A2M: variants seen among roughly 807,000 people sequenced by gnomAD.
The protein encoded by A2M is C3 and PZP-like alpha-2-macroglobulin domain-containing protein 5.
Under a neutral mutation model 183.9 loss-of-function variants are expected in A2M, and 128 were observed. That is an observed-to-expected ratio of 0.70 (90% confidence interval 0.60 to 0.81). The LOEUF (loss-of-function observed/expected upper bound fraction) is 0.81. Among genes scored for constraint, A2M ranks in the 30% least tolerant of loss-of-function variants. The pLI, the probability that A2M is intolerant of heterozygous loss-of-function variation, is 0.00. For synonymous variants in A2M, 592 were observed against 670.8 expected (o/e 0.88, Z 1.81); for missense variants, 1,495 against 1,787.6 (o/e 0.84, Z 2.95).
At chr12:9,096,678 C>A (rs894983418) in intron 15 of A2M, among the ~76,000 whole-genome samples, 3 of 152,180 alleles carry the variant, frequency 2.0e-5, no homozygotes, top group Non-Finnish European at 4.4e-5. Flanking sequence ...GAGTTTAAAA[C>A]TGATTGACAA....
intron 7 of A2M, 40 bp downstream of exon 7, chr12:9,109,281 A>T: frequency 6.6e-7 from 1 of 1,512,844 alleles, no homozygotes; most frequent in Non-Finnish European, 9.1e-7. Context: ...AGTCTCTTTT[A>T]AATAATCCCC....
At chr12:9,074,899 C>A (rs904506996) in intron 28 of A2M, 116 bp from the exon 29 acceptor site, 22 of 1,091,020 alleles carry the variant, frequency 2.0e-5, no homozygotes, top group Non-Finnish European at 2.7e-5. Flanking sequence ...ATCCCCTGTA[C>A]TGTATGTAGA....
rs373637929 is a variant in A2M at position 9,098,617 on chromosome 12, G to A, written c.1841C>T (p.Ser614Leu). The A allele has an allele frequency of 1.8e-5, 29 of 1,602,860 alleles. No homozygotes were observed. The highest frequency in any genetic ancestry group is 1.7e-4 in the Middle Eastern group (1 of 5,792). Residue 614 changes from serine to leucine, a missense_variant, in exon 15 of 36, where the codon TCG (serine) becomes TTG (leucine). Ser to Leu is a moderately radical substitution (Grantham distance 145, BLOSUM62 -2). Coordinates refer to ENST00000318602, the MANE Select transcript of A2M (RefSeq NM_000014.6). Reference protein sequence around the residue: ...VLLMKPDAELSASSVYNLLPE... With the variant: ...VLLMKPDAELLASSVYNLLPE... ...CTGCCAGGAACTCACCGAGGACGCC[G>A]AGAGCTCAGCATCAGGCTTCATGAG...
intron 33 of A2M, 85 bp downstream of exon 33, chr12:9,069,660 T>G: frequency 1.0e-6 from 1 of 987,720 alleles, no homozygotes; most frequent in South Asian, 1.8e-5. Context: ...GAAGTGATGT[T>G]TCTAAAATGC....
At chr12:9,107,239 G>A (rs1241023312) in intron 8 of A2M, among the ~76,000 whole-genome samples, 1 of 152,128 alleles carries the variant, frequency 6.6e-6, no homozygotes, top group African/African-American at 2.4e-5. Flanking sequence ...GCCAGCTAAG[G>A]CAATTAAGAG....
Position 9,074,803 on chromosome 12 carries a change from T to C in A2M, c.3533-20A>G. ...AGTTGTCTTAAAGATGAGAAAAAGA[T>C]ATTTATAAGTGCCTACATATTTATA... On this transcript the variant is annotated intron_variant, in intron 28 of 35. Transcript: ENST00000318602. 1 of 1,580,668 alleles carries C rather than the reference T, an allele frequency of 6.3e-7. No individual in the cohort carries two copies. Among genetic ancestry groups the C allele is most frequent in the Non-Finnish European group, 8.6e-7 (1 of 1,162,838 alleles).
chr12:9,087,945 T>C (rs1238162321), intron 22 of A2M, among the ~76,000 whole-genome samples: 1 of 152,082 alleles, frequency 6.6e-6, no homozygotes, highest in Non-Finnish European at 1.5e-5. Context: ...TTAAAGCTAG[T>C]GAATAGTTGA....
Position 9,099,363 on chromosome 12 carries a change from A to G in A2M, c.1701+18T>C, listed in dbSNP as rs774460854. The stretch of plus-strand genomic sequence containing the variant: ...TCTAGTTTTACATGTTGAAGATTTT[A>G]TGATCTAAAACACACACCTTGTTGG... On this transcript the variant is annotated intron_variant, in intron 14 of 35. Transcript: ENST00000318602. 1 of 1,551,030 alleles carries G rather than the reference A, an allele frequency of 6.4e-7. No individual in the cohort carries two copies. The highest frequency in any genetic ancestry group is 1.2e-5 in the South Asian group (1 of 83,982).
chr12:9,112,125 G>T (rs777416343), intron 4 of A2M, 34 bp downstream of exon 4: 1 of 1,608,774 alleles, frequency 6.2e-7, no homozygotes, highest in Non-Finnish European at 8.5e-7. Context: ...TGTTTATACA[G>T]ACAATCATTT....
At position 9,079,787 on chromosome 12, in the gene A2M, GT is replaced by G; in HGVS notation, c.2882del (p.Asn961ThrfsTer30). On this transcript the variant is annotated frameshift_variant, in exon 24 of 36. Transcript: ENST00000318602. LOFTEE classifies it high-confidence loss of function. ...AGGGCATCTGGAGAAGATTTTGTGT[GT>G]TTTGCATGGCAGAGCCTAATATGTC... ...LGDILGSAMQ[N>X]TQNLLQMPYG... The G allele has an allele frequency of 1.2e-6, 2 of 1,611,548 alleles. No homozygotes were observed. The highest frequency in any genetic ancestry group is 1.7e-6 in the Non-Finnish European group (2 of 1,178,920).
Position 9,101,586 on chromosome 12 carries a change from A to G in A2M, c.1355T>C (p.Phe452Ser). The G allele has an allele frequency of 6.2e-7, 1 of 1,613,954 alleles. No individual in the cohort carries two copies. The highest frequency in any genetic ancestry group is 1.1e-5 in the South Asian group (1 of 91,066). The change falls in exon 12 of 36, where the codon TTC (phenylalanine) becomes TCC (serine). Residue 452 changes from phenylalanine to serine, a missense_variant. Physicochemically the swap from Phe to Ser is radical, Grantham distance 155 (BLOSUM62 -2). Transcript: ENST00000318602. ...GTGGACAAAGCTCTTGCTTGGGGAG[A>G]ACACAAGATAAGCAGTGTGATGTGC... ...EEAHHTAYLV[F>S]SPSKSFVHLE...
intron 11 of A2M, among the ~76,000 whole-genome samples, chr12:9,102,830 G>A (rs1326396808): frequency 3.3e-5 from 5 of 152,296 alleles, no homozygotes; most frequent in East Asian, 3.9e-4. Flanking sequence ...TTTTTGAAAT[G>A]AGTAAACATT....
At chr12:9,071,405 A>C (rs1948574116) in intron 31 of A2M, among the ~76,000 whole-genome samples, 1 of 152,074 alleles carries the variant, frequency 6.6e-6, no homozygotes, top group Non-Finnish European at 1.5e-5. Context: ...TTTTTGGCAT[A>C]TATATACACC....
intron 7 of A2M, 94 bp from the exon 8 acceptor site, chr12:9,107,738 C>T: frequency 3.5e-6 from 5 of 1,426,198 alleles, no homozygotes; most frequent in Admixed American, 3.5e-5. Context: ...CAGTATATTC[C>T]CTGTCTGTAC....
intron 22 of A2M, among the ~76,000 whole-genome samples, chr12:9,088,686 A>G (rs1467679735): frequency 3.7e-4 from 56 of 152,154 alleles, no homozygotes; most frequent in Admixed American, 3.7e-3. Flanking sequence ...AAGTTTCTTC[A>G]GTTCCTTCTC....
chr12:9,071,112 G>A (rs917880308), intron 31 of A2M, among the ~76,000 whole-genome samples: 7 of 151,706 alleles, frequency 4.6e-5, no homozygotes, highest in East Asian at 1.9e-4. Flanking sequence ...GAGCCACCAC[G>A]CCCGGCTGAG....
At chr12:9,075,932 T>C (rs938865583) in intron 28 of A2M, among the ~76,000 whole-genome samples, 4 of 152,220 alleles carry the variant, frequency 2.6e-5, no homozygotes, top group Non-Finnish European at 5.9e-5. Context: ...ATAAAATATT[T>C]CTCAATACAT....
In A2M at chr12:9,094,991, G is replaced by T; in HGVS notation, c.2107C>A (p.Leu703Ile). ...TGTTTACCATAAAAACCTACACGTA[G>T]ACCTTCAGGTCCATGCATTTCATAC... ...QQYEMHGPEG[L>I]RVGFYESDVM... is the part of the protein sequence containing the mutation. The change falls in exon 17 of 36, where the codon CTA (leucine) becomes ATA (isoleucine). Residue 703 changes from leucine to isoleucine, a missense_variant. Transcript: ENST00000318602. The T allele has an allele frequency of 6.4e-7, 1 of 1,567,358 alleles. No individual in the cohort carries two copies. Among genetic ancestry groups the T allele is most frequent in the South Asian group, 1.3e-5 (1 of 79,742 alleles).
intron 18 of A2M, among the ~76,000 whole-genome samples, chr12:9,093,001 C>T (rs1432144258): frequency 6.6e-6 from 1 of 152,156 alleles, no homozygotes; most frequent in Non-Finnish European, 1.5e-5. Context: ...ATAAGCCAGA[C>T]ACAGGACAAG....
Sources: gnomAD v4.1 joint callset for allele counts (sites outside exome capture counted in the v4.1 genomes callset) on GRCh38, gnomAD v4.1.1 for gene constraint, MANE v1.5 for transcripts, NCBI Gene and HGNC (gene_info 2026-07-23, HGNC 2026-07-21) for gene names.